NNT: variants seen among roughly 807,000 people sequenced by gnomAD.
NNT encodes the protein NAD(P) transhydrogenase, mitochondrial.
In NNT, 50 loss-of-function variants were observed where a neutral mutation model predicts 104.8. The ratio of observed to expected loss-of-function variants is 0.48; its 90% confidence interval spans 0.38 to 0.60. The LOEUF is 0.60. Ranked by LOEUF, NNT falls within the 20% of genes least tolerant of loss-of-function variation. NNT has a pLI of 0.00. For missense variants in NNT, 1,131 were observed against 1,330.7 expected, an observed-to-expected ratio of 0.85 and a Z score of 2.33; for synonymous variants, 461 against 490.4, an observed-to-expected ratio of 0.94 and a Z score of 0.79.
chr5:43,673,620 C>A (rs913401602), intron 17 of NNT, among the ~76,000 whole-genome samples: 2 of 152,160 alleles, frequency 1.3e-5, no homozygotes, highest in African/African-American at 2.4e-5. Flanking sequence ...TGGGACGTCT[C>A]AGATGTGGCT....
intron 1 of NNT, among the ~76,000 whole-genome samples, chr5:43,606,667 T>TC (rs1749240637): frequency 6.6e-6 from 1 of 152,244 alleles, no homozygotes; most frequent in South Asian, 2.1e-4. Flanking sequence ...CAAACGGCTT[T>TC]CCCTTCCTTT....
At chr5:43,685,688 C>T (rs1209198723) in intron 19 of NNT, among the ~76,000 whole-genome samples, 1 of 152,086 alleles carries the variant, frequency 6.6e-6, no homozygotes, top group Non-Finnish European at 1.5e-5. Context: ...TTCCATAATA[C>T]AAGAAGCAAA....
chr5:43,649,339 A>G, intron 11 of NNT, 31 bp downstream of exon 11: 1 of 1,610,976 alleles, frequency 6.2e-7, no homozygotes, highest in Non-Finnish European at 8.5e-7. Context: ...TCCTCATCTC[A>G]GGTTTTCATA....
intron 7 of NNT, among the ~76,000 whole-genome samples, chr5:43,640,022 A>G (rs929394591): frequency 3.8e-4 from 57 of 151,980 alleles, no homozygotes; most frequent in African/African-American, 1.2e-3. Flanking sequence ...TTAAAGCCCA[A>G]TTGGGCTTTA....
intron 3 of NNT, among the ~76,000 whole-genome samples, chr5:43,614,885 C>T (rs1749693476): frequency 1.3e-5 from 2 of 152,178 alleles, no homozygotes; most frequent in African/African-American, 4.8e-5. Flanking sequence ...CGCCTGTAAT[C>T]CCAGCACTTT....
At position 43,609,126 on chromosome 5, in the gene NNT, AT is replaced by A. The variant is rs1443013909; in HGVS notation, c.-53-13del. 1.5e-6 allele frequency: 2 copies of A among 1,291,048 alleles called. No homozygotes were observed. Among genetic ancestry groups the A allele is most frequent in the Non-Finnish European group, 2.2e-6 (2 of 916,376 alleles). 80.0% of individuals were successfully genotyped at this position (1,291,048 alleles called of 1,614,324 possible). A position where few individuals can be genotyped will look rare whatever the true frequency, so the allele number is the denominator to read the frequency against. On this transcript the variant is annotated splice_polypyrimidine_tract_variant and intron_variant, in intron 1 of 21. Transcript: ENST00000344920. ...TTTTTTCTTGGCATATATACATCCT[AT>A]TTTCTTTTTTCTTAGTGATTTGCCT...
In NNT at chr5:43,643,812, A is replaced by G. The variant is rs138144417; in HGVS notation, c.965-380A>G. ...ATTGGTGACCTTTACGAATTGTTCA[A>G]TTTGGGTGCATATAGTTTCCATAGT... On this transcript the variant is annotated intron_variant, in intron 7 of 21. Transcript: ENST00000344920. 2.4e-3 allele frequency among the ~76,000 whole-genome samples: 364 copies of G among 152,340 alleles called. 1 individual carries two copies. Among genetic ancestry groups the G allele is most frequent in the Admixed American group, 5.2e-3 (79 of 15,298 alleles).
chr5:43,642,973 G>A (rs915497362), intron 7 of NNT, among the ~76,000 whole-genome samples: 1 of 152,182 alleles, frequency 6.6e-6, no homozygotes, highest in African/African-American at 2.4e-5. Flanking sequence ...TGTCCCGGCT[G>A]GAGTGCAGTG....
intron 19 of NNT, among the ~76,000 whole-genome samples, chr5:43,684,875 A>C (rs1176460619): frequency 6.6e-6 from 1 of 152,182 alleles, no homozygotes; most frequent in Non-Finnish European, 1.5e-5. Flanking sequence ...AATTAAATGT[A>C]AAAAAATACT....
intron 1 of NNT, among the ~76,000 whole-genome samples, chr5:43,604,459 G>C (rs139876254): frequency 6.6e-6 from 1 of 152,250 alleles, no homozygotes; most frequent in Admixed American, 6.5e-5. Flanking sequence ...TTTCCACAAG[G>C]CTACACAAAC....
At chr5:43,617,265 A>G (rs1421038958) in intron 4 of NNT, among the ~76,000 whole-genome samples, 1 of 152,172 alleles carries the variant, frequency 6.6e-6, no homozygotes, top group East Asian at 1.9e-4. Context: ...TAGCTGTTGA[A>G]TCTTTTGAGC....
intron 18 of NNT, among the ~76,000 whole-genome samples, chr5:43,676,838 G>A (rs1741439657): frequency 6.6e-6 from 1 of 152,130 alleles, no homozygotes; most frequent in Admixed American, 6.5e-5. Flanking sequence ...AGGTTTGTAG[G>A]GAGGCGACGA....
rs1749765817 is a variant in NNT at position 43,616,004 on chromosome 5, G to T, written c.538G>T (p.Val180Phe). 1 of 1,614,084 alleles carries T rather than the reference G, an allele frequency of 6.2e-7. No homozygotes were observed. The highest frequency in any genetic ancestry group is 1.7e-5 in the Admixed American group (1 of 60,030). ...RKTTVLAMDQ[V>F]PRVTIAQGYD... ...AACTACAGTTCTGGCAATGGACCAG[G>T]TTCCAAGAGTCACAATTGCTCAGGG... The change falls in exon 4 of 22, where the codon GTT (valine) becomes TTT (phenylalanine). Residue 180 changes from valine to phenylalanine, a missense_variant. Physicochemically the swap from Val to Phe is conservative, Grantham distance 50. Coordinates refer to ENST00000344920, the MANE Select transcript of NNT (RefSeq NM_182977.3).
chr5:43,684,523 A>C (rs1185349662), intron 19 of NNT, among the ~76,000 whole-genome samples: 1 of 151,902 alleles, frequency 6.6e-6, no homozygotes, highest in Admixed American at 6.6e-5. Flanking sequence ...CTCATTCGTT[A>C]GTTTTTGTGG....
intron 17 of NNT, among the ~76,000 whole-genome samples, chr5:43,672,504 G>A (rs1741165761): frequency 6.6e-6 from 1 of 152,236 alleles, no homozygotes; most frequent in East Asian, 1.9e-4. Flanking sequence ...CCTTCTAACA[G>A]TCAGGACCCT....
chr5:43,634,913 G>A (rs992021308), intron 7 of NNT, among the ~76,000 whole-genome samples: 3 of 152,122 alleles, frequency 2.0e-5, no homozygotes, highest in African/African-American at 7.2e-5. Flanking sequence ...TTATACTTTG[G>A]TTTGGTTTGT....
chr5:43,625,998 G>T (rs1451689986), intron 6 of NNT, among the ~76,000 whole-genome samples: 2 of 152,036 alleles, frequency 1.3e-5, no homozygotes, highest in African/African-American at 2.4e-5. Flanking sequence ...GGCTGCAGAA[G>T]ATTCCATTGT....
At chr5:43,656,911 T>G (rs1465942755) in intron 16 of NNT, 98 bp downstream of exon 16, 4 of 1,179,342 alleles carry the variant, frequency 3.4e-6, no homozygotes, top group Non-Finnish European at 4.7e-6. Flanking sequence ...TCAAGAACCT[T>G]GATGGAATAA....
chr5:43,670,976 G>A (rs897832928), intron 17 of NNT, among the ~76,000 whole-genome samples: 2 of 152,122 alleles, frequency 1.3e-5, no homozygotes, highest in Non-Finnish European at 2.9e-5. Context: ...CCTGTATTGG[G>A]TGCATATATA....
Sources: allele counts gnomAD v4.1 joint callset (sites outside exome capture counted in the v4.1 genomes callset), GRCh38; gene constraint gnomAD v4.1.1; transcripts MANE v1.5; gene names NCBI Gene and HGNC (gene_info 2026-07-23, HGNC 2026-07-21).